CCSER1: variants seen among roughly 807,000 people sequenced by gnomAD.
The protein encoded by CCSER1 is serine-rich coiled-coil domain-containing protein 1.
A neutral mutation model predicts 82.0 loss-of-function variants in CCSER1; 41 were observed. The observed-to-expected ratio is 0.50, with a 90% CI of 0.39 to 0.65. CCSER1 has a LOEUF of 0.65. CCSER1 is among the 30% of genes least tolerant of loss of function. The pLI, the probability that CCSER1 is intolerant of heterozygous loss-of-function variation, is 0.00. For missense variants in CCSER1, 1,119 were observed against 1,064.2 expected (o/e 1.05, Z -0.72); for synonymous variants, 414 against 383.9 (o/e 1.08, Z -0.92).
chr4:90,873,429 C>G (rs1766813637), intron 8 of CCSER1, among the ~76,000 whole-genome samples: 1 of 152,012 alleles, frequency 6.6e-6, no homozygotes, highest in Non-Finnish European at 1.5e-5. Flanking sequence ...CTTTGGTGTT[C>G]CTGTTGCGGG....
intron 6 of CCSER1, among the ~76,000 whole-genome samples, chr4:90,663,568 G>A (rs1731195094): frequency 6.6e-6 from 1 of 152,124 alleles, no homozygotes; most frequent in South Asian, 2.1e-4. Context: ...ATAGCTCACT[G>A]CAAGCTTAAA....
chr4:90,221,183 T>C (rs761227282), intron 1 of CCSER1, among the ~76,000 whole-genome samples: 1 of 152,112 alleles, frequency 6.6e-6, no homozygotes, highest in Non-Finnish European at 1.5e-5. Context: ...TAAACTATTA[T>C]AAGTTTCCGT....
rs1367708292 is a variant in CCSER1 at position 90,569,760 on chromosome 4, G to A, written c.1725-58265G>A. 2.0e-5 allele frequency among the ~76,000 whole-genome samples: 3 copies of A among 152,178 alleles called. No individual in the cohort carries two copies. The East Asian group carries it at 5.8e-4, about 29-fold the overall frequency. On this transcript the variant is annotated intron_variant, in intron 5 of 10. Transcript: ENST00000509176. ...CTCCATCTTGTGCTGAGTGGCTACA[G>A]CTCCTGCTGTCTGCTGGTCCAGGAG...
At chr4:91,437,831 T>C (rs1415391844) in intron 10 of CCSER1, among the ~76,000 whole-genome samples, 2 of 152,210 alleles carry the variant, frequency 1.3e-5, no homozygotes, top group Non-Finnish European at 2.9e-5. Context: ...AGATTATATC[T>C]CGCACCTGGT....
intron 1 of CCSER1, among the ~76,000 whole-genome samples, chr4:90,193,967 G>A (rs1736134097): frequency 6.6e-6 from 1 of 151,986 alleles, no homozygotes; most frequent in South Asian, 2.1e-4. Context: ...TGTATCAATT[G>A]TAGATTTAGT....
chr4:90,731,732 T>C (rs1425282704), intron 7 of CCSER1, among the ~76,000 whole-genome samples: 1 of 152,196 alleles, frequency 6.6e-6, no homozygotes, highest in African/African-American at 2.4e-5. Flanking sequence ...TATGTATATT[T>C]AAAGCAATTA....
At chr4:90,359,821 A>G (rs769985747) in intron 3 of CCSER1, among the ~76,000 whole-genome samples, 1 of 150,832 alleles carries the variant, frequency 6.6e-6, no homozygotes, top group Admixed American at 6.6e-5. Context: ...TTATATATAG[A>G]TATGTGTATA....
At chr4:91,147,240 C>T (rs139191112) in intron 10 of CCSER1, among the ~76,000 whole-genome samples, 2 of 152,296 alleles carry the variant, frequency 1.3e-5, no homozygotes, top group East Asian at 3.9e-4. Context: ...GTGGCACTAA[C>T]AGCCTGGTAT....
At position 91,599,240 on chromosome 4, in the gene CCSER1, G is replaced by A. The variant is rs1764724897; in HGVS notation, c.*183G>A. The A allele has an allele frequency of 1.5e-6, 1 of 669,048 alleles. No individual in the cohort carries two copies. Among genetic ancestry groups the A allele is most frequent in the Non-Finnish European group, 2.4e-6 (1 of 422,716 alleles). The allele number at this position is 669,048 out of a possible 1,614,324, so 41.4% of individuals were successfully genotyped here. On this transcript the variant is annotated 3_prime_UTR_variant, in exon 11 of 11. Transcript: ENST00000509176. ...GGGTTTTTTTTTTCCAAGAGTGAAA[G>A]TTTGAGCATGTTAATTGAACTAGGT...
intron 5 of CCSER1, among the ~76,000 whole-genome samples, chr4:90,496,773 TC>T (rs1769069543): frequency 6.6e-6 from 1 of 151,756 alleles, no homozygotes; most frequent in South Asian, 2.1e-4. Context: ...GGTCAAGAGA[TC>T]AAGACCATCC....
At chr4:91,359,391 G>A (rs186405290) in intron 10 of CCSER1, among the ~76,000 whole-genome samples, 39 of 151,886 alleles carry the variant, frequency 2.6e-4, no homozygotes, top group Non-Finnish European at 4.9e-4. Flanking sequence ...CAGGTACTGA[G>A]TATAAAGCAA....
At chr4:91,550,227 G>T (rs1435143573) in intron 10 of CCSER1, among the ~76,000 whole-genome samples, 1 of 152,182 alleles carries the variant, frequency 6.6e-6, no homozygotes, top group Admixed American at 6.5e-5. Flanking sequence ...AAGCAAGATG[G>T]AATGTTTTCT....
At chr4:91,238,124 C>G (rs1739160402) in intron 10 of CCSER1, among the ~76,000 whole-genome samples, 1 of 152,150 alleles carries the variant, frequency 6.6e-6, no homozygotes, top group South Asian at 2.1e-4. Flanking sequence ...GGATTTCACT[C>G]CCTTGATTGG....
intron 1 of CCSER1, among the ~76,000 whole-genome samples, chr4:90,287,280 T>C (rs1730075802): frequency 6.6e-6 from 1 of 151,958 alleles, no homozygotes; most frequent in South Asian, 2.1e-4. Flanking sequence ...AGAAGTAAAA[T>C]GTATAAGTTA....
At chr4:90,839,085 T>A (rs761268313) in intron 8 of CCSER1, 7 of 1,522,640 alleles carry the variant, frequency 4.6e-6, no homozygotes, top group Non-Finnish European at 5.5e-6. Context: ...GAGCGAAGTC[T>A]GGTCTGCGCA....
Position 91,487,546 on chromosome 4 carries a change from C to T in CCSER1, c.2218-111026C>T, listed in dbSNP as rs138247208. On this transcript the variant is annotated intron_variant, in intron 10 of 10. Coordinates refer to ENST00000509176, the MANE Select transcript of CCSER1 (RefSeq NM_001145065.2). ...TGGGTACTTTACTACCAACTATTTA[C>T]ATTAACCAGATGGTTATTTGCCTAA... is the stretch of plus-strand genomic sequence containing the variant. 1.2e-4 allele frequency among the ~76,000 whole-genome samples: 19 copies of T among 152,240 alleles called. No individual in the cohort carries two copies. The East Asian group carries it at 2.3e-3, about 19-fold the overall frequency.
chr4:91,464,431 A>T (rs1172688834), intron 10 of CCSER1, among the ~76,000 whole-genome samples: 2 of 152,224 alleles, frequency 1.3e-5, no homozygotes, highest in African/African-American at 4.8e-5. Context: ...GATGCTAAGA[A>T]GAAACTGCAT....
chr4:91,014,247 A>T (rs1269817848), intron 9 of CCSER1, among the ~76,000 whole-genome samples: 1 of 134,590 alleles, frequency 7.4e-6, no homozygotes, highest in African/African-American at 2.5e-5. Context: ...ATCTATAGCT[A>T]TCTTTTAAAT....
At chr4:90,658,807 G>A (rs1039150) in intron 6 of CCSER1, among the ~76,000 whole-genome samples, 78,032 of 151,986 alleles carry the variant, frequency 0.51, 20,275 homozygotes, top group Middle Eastern at 0.67. Flanking sequence ...TATGAAGAAT[G>A]TAATTTAGTA....
Sources: allele counts gnomAD v4.1 joint callset (sites outside exome capture counted in the v4.1 genomes callset), GRCh38; gene constraint gnomAD v4.1.1; transcripts MANE v1.5; gene names NCBI Gene and HGNC (gene_info 2026-07-23, HGNC 2026-07-21).